LYPD6B: variants seen among roughly 807,000 people sequenced by gnomAD.
The protein encoded by LYPD6B is ly6/PLAUR domain-containing protein 6B.
Under a neutral mutation model 22.8 loss-of-function variants are expected in LYPD6B, and 17 were observed. The observed-to-expected ratio is 0.75, with a 90% confidence interval of 0.51 to 1.12. The LOEUF is 1.12. Among genes scored for constraint, LYPD6B ranks in the 50% most tolerant of loss-of-function variants. The pLI, the probability that LYPD6B is intolerant of heterozygous loss-of-function variation, is 0.00. For missense variants in LYPD6B, 221 were observed against 258.3 expected (o/e 0.86, Z 0.99); for synonymous variants, 106 against 91.6 (o/e 1.16, Z -0.90).
intron 1 of LYPD6B, among the ~76,000 whole-genome samples, chr2:149,130,345 C>T (rs955530390): frequency 9.9e-5 from 15 of 152,134 alleles, no homozygotes; most frequent in Non-Finnish European, 1.5e-5. Context: ...TTAATTTGGA[C>T]AGAGTGGTTT....
intron 1 of LYPD6B, among the ~76,000 whole-genome samples, chr2:149,060,101 T>C (rs1684005140): frequency 6.6e-6 from 1 of 152,108 alleles, no homozygotes; most frequent in South Asian, 2.1e-4. Context: ...ACTACTGCAC[T>C]AGTTACTAGT....
chr2:149,186,404 T>TAG (rs1409466584), intron 3 of LYPD6B, among the ~76,000 whole-genome samples: 2 of 152,112 alleles, frequency 1.3e-5, no homozygotes. Context: ...CTGTAAAGGC[T>TAG]GAGAGAGGTG....
intron 1 of LYPD6B, among the ~76,000 whole-genome samples, chr2:149,063,849 G>GA (rs1235023670): frequency 3.3e-5 from 5 of 151,900 alleles, no homozygotes; most frequent in East Asian, 3.9e-4. Context: ...AACTAGCAAG[G>GA]AAAAAAACAA....
chr2:149,211,464 A>G (rs1360982107), intron 5 of LYPD6B, among the ~76,000 whole-genome samples: 1 of 152,154 alleles, frequency 6.6e-6, no homozygotes, highest in African/African-American at 2.4e-5. Flanking sequence ...GGCTTACCTT[A>G]ATATGACTTA....
intron 5 of LYPD6B, among the ~76,000 whole-genome samples, chr2:149,209,239 G>A (rs1048170528): frequency 6.6e-6 from 1 of 152,150 alleles, no homozygotes; most frequent in African/African-American, 2.4e-5. Flanking sequence ...CCAAAATATT[G>A]CTCTGGCTGC....
At chr2:149,109,622 G>C (rs1686659311) in intron 1 of LYPD6B, among the ~76,000 whole-genome samples, 1 of 152,050 alleles carries the variant, frequency 6.6e-6, no homozygotes, top group African/African-American at 2.4e-5. Context: ...CCCGTTCTCA[G>C]TTCTTAAGAT....
At chr2:149,188,721 G>T (rs1692288349) in intron 3 of LYPD6B, 2 of 976,716 alleles carry the variant, frequency 2.0e-6, no homozygotes, top group South Asian at 4.7e-5. Context: ...AGGTCGCCTG[G>T]CTCCAGAGAG....
intron 1 of LYPD6B, among the ~76,000 whole-genome samples, chr2:149,042,235 C>G (rs1177594190): frequency 6.6e-6 from 1 of 152,220 alleles, no homozygotes; most frequent in Non-Finnish European, 1.5e-5. Context: ...TAGTAGGAAA[C>G]CAGCCTCTAC....
chr2:149,170,332 A>C (rs1690731700), intron 3 of LYPD6B, among the ~76,000 whole-genome samples: 1 of 152,190 alleles, frequency 6.6e-6, no homozygotes, highest in African/African-American at 2.4e-5. Context: ...TTCACACTTG[A>C]CATATGCCAT....
At chr2:149,136,392 C>G (rs1688373570) in intron 2 of LYPD6B, among the ~76,000 whole-genome samples, 2 of 152,208 alleles carry the variant, frequency 1.3e-5, no homozygotes, top group South Asian at 4.1e-4. Context: ...TAGAAGCTTA[C>G]AGCCAGAGGC....
chr2:149,165,029 T>A (rs774445808), intron 3 of LYPD6B, among the ~76,000 whole-genome samples: 1 of 152,134 alleles, frequency 6.6e-6, no homozygotes, highest in African/African-American at 2.4e-5. Flanking sequence ...GTTCTTCTGT[T>A]AGTTTCACCT....
intron 1 of LYPD6B, among the ~76,000 whole-genome samples, chr2:149,082,108 G>A (rs1303249506): frequency 5.9e-5 from 9 of 152,164 alleles, no homozygotes. Context: ...ATGTTTGCAG[G>A]TTTCCCCACC....
chr2:149,161,916 T>C (rs1690087097), intron 3 of LYPD6B, among the ~76,000 whole-genome samples: 1 of 152,164 alleles, frequency 6.6e-6, no homozygotes, highest in Non-Finnish European at 1.5e-5. Flanking sequence ...ATGACCCTAA[T>C]AAGGCCCAAG....
At chr2:149,202,636 A>G (rs1048035168) in intron 3 of LYPD6B, among the ~76,000 whole-genome samples, 1 of 152,150 alleles carries the variant, frequency 6.6e-6, no homozygotes, top group South Asian at 2.1e-4. Flanking sequence ...CTCCCTCTAA[A>G]ATGCAATTTG....
At chr2:149,075,742 A>T (rs548926024) in intron 1 of LYPD6B, among the ~76,000 whole-genome samples, 2 of 152,330 alleles carry the variant, frequency 1.3e-5, no homozygotes, top group East Asian at 3.9e-4. Context: ...TGACAATCCT[A>T]GTTTTGTTTT....
intron 2 of LYPD6B, among the ~76,000 whole-genome samples, chr2:149,155,435 C>T (rs1689635375): frequency 6.6e-6 from 1 of 152,232 alleles, no homozygotes; most frequent in South Asian, 2.1e-4. Context: ...GACAAGAACT[C>T]CCAGCCCATC....
chr2:149,106,855 CTCTT>C (rs1452406547), intron 1 of LYPD6B, among the ~76,000 whole-genome samples: 2 of 151,588 alleles, frequency 1.3e-5, no homozygotes, highest in Non-Finnish European at 2.9e-5. Context: ...TTTTTTTACT[CTCTT>C]AAAGTAGAAG....
At chr2:149,179,415 A>G (rs888405927) in intron 3 of LYPD6B, among the ~76,000 whole-genome samples, 1 of 152,222 alleles carries the variant, frequency 6.6e-6, no homozygotes, top group African/African-American at 2.4e-5. Context: ...CTTATGATGT[A>G]TAGAGAGCTG....
At chr2:149,203,513 T>C (rs1693309445) in intron 3 of LYPD6B, among the ~76,000 whole-genome samples, 1 of 152,158 alleles carries the variant, frequency 6.6e-6, no homozygotes, top group Non-Finnish European at 1.5e-5. Context: ...ATAATATTAT[T>C]TGCTAACTGT....
Sources: gnomAD v4.1 joint callset for allele counts (sites outside exome capture counted in the v4.1 genomes callset) on GRCh38, gnomAD v4.1.1 for gene constraint, MANE v1.5 for transcripts, NCBI Gene and HGNC (gene_info 2026-07-23, HGNC 2026-07-21) for gene names.